The following RBFOX1 variants were observed in gnomAD, a reference collection of about 807,000 sequenced individuals.
RBFOX1 encodes the protein RNA binding protein fox-1 homolog 1.
A neutral mutation model predicts 57.7 loss-of-function variants in RBFOX1; 8 were observed. The observed-to-expected ratio is 0.14, with a 90% CI of 0.08 to 0.25. The LOEUF is 0.25. Ranked by LOEUF, RBFOX1 falls within the 10% of genes least tolerant of loss-of-function variation. The pLI is 1.00. For synonymous variants in RBFOX1, 326 were observed against 222.4 expected (o/e 1.47, Z -4.15); for missense variants, 611 against 548.5 (o/e 1.11, Z -1.14).
At chr16:6,716,020 T>C (rs576876845) in intron 3 of RBFOX1, among the ~76,000 whole-genome samples, 1 of 74,244 alleles carries the variant, frequency 1.3e-5, no homozygotes, top group East Asian at 3.3e-4. Flanking sequence ...ACAGCCTACA[T>C]AAAGAAGCCA....
intron 3 of RBFOX1, among the ~76,000 whole-genome samples, chr16:5,797,479 A>G (rs2054917304): frequency 6.6e-6 from 1 of 152,190 alleles, no homozygotes; most frequent in South Asian, 2.1e-4. Context: ...TCTGGCTTCC[A>G]GACCCTTAGA....
chr16:6,678,484 C>G (rs903658719), intron 3 of RBFOX1, among the ~76,000 whole-genome samples: 6 of 151,456 alleles, frequency 4.0e-5, no homozygotes, highest in African/African-American at 1.5e-4. Context: ...TGTATGGGTC[C>G]TAAACCTTCA....
intron 3 of RBFOX1, among the ~76,000 whole-genome samples, chr16:6,885,722 G>C (rs1296186603): frequency 2.6e-5 from 4 of 151,974 alleles, no homozygotes; most frequent in African/African-American, 4.8e-5. Flanking sequence ...AGTAGAGACT[G>C]GGTTTCACCA....
chr16:6,944,294 C>G (rs1483404309), intron 3 of RBFOX1, among the ~76,000 whole-genome samples: 1 of 151,120 alleles, frequency 6.6e-6, no homozygotes, highest in Non-Finnish European at 1.5e-5. Flanking sequence ...AGTCAGGAGG[C>G]TGAGGCAGGA....
At chr16:6,895,486 A>ATATATATATATATATATATATATATATG (rs1231560510) in intron 3 of RBFOX1, among the ~76,000 whole-genome samples, 1 of 92,044 alleles carries the variant, frequency 1.1e-5, no homozygotes, top group Admixed American at 1.1e-4. Context: ...ATATATATAT[A>ATATATATATATATATATATATATATATG]TTTATTCCCC....
chr16:7,303,628 A>C lies in RBFOX1; in HGVS notation c.28-214519A>C, dbSNP rs9921228. Among the ~76,000 whole-genome samples, 747 of 152,252 alleles carry C rather than the reference A, an allele frequency of 4.9e-3. 7 individuals are homozygous for C. In the Middle Eastern group the frequency reaches 0.082, roughly 17 times the overall value. On this transcript the variant is annotated intron_variant, in intron 4 of 15. Coordinates refer to ENST00000550418, the MANE Select transcript of RBFOX1 (RefSeq NM_018723.4). ...AGGGGAGGGAAGGAAAAAAAGGAAAAAAAATCTTTCCCCTGGACCCATTTG... is the reference window on the plus strand; with the variant it reads ...AGGGGAGGGAAGGAAAAAAAGGAAACAAAATCTTTCCCCTGGACCCATTTG...
intron 3 of RBFOX1, among the ~76,000 whole-genome samples, chr16:6,841,350 TAGAC>T (rs544569258): frequency 8.5e-4 from 130 of 152,268 alleles, no homozygotes; most frequent in Admixed American, 1.4e-3. Context: ...TGAAGAATGT[TAGAC>T]AGGAATAAAG....
At chr16:6,109,886 C>G in intron 1 of RBFOX1, among the ~76,000 whole-genome samples, 1 of 152,146 alleles carries the variant, frequency 6.6e-6, no homozygotes, top group Non-Finnish European at 1.5e-5. Context: ...GAGCAGAAAT[C>G]TTGTTGAACT....
chr16:7,108,802 C>T lies in RBFOX1; in HGVS notation c.27+56704C>T, dbSNP rs546685626. ...GCATGTATTACGAGGCTCATGAAGGCTTGTTTGTTGTACCTAAATCCCCGT... is the reference window on the plus strand; with the variant it reads ...GCATGTATTACGAGGCTCATGAAGGTTTGTTTGTTGTACCTAAATCCCCGT... On this transcript the variant is annotated intron_variant, in intron 4 of 15. Transcript: ENST00000550418. Among the ~76,000 whole-genome samples the T allele has an allele frequency of 4.1e-4, 63 of 152,288 alleles. 2 individuals carry two copies. In the South Asian group the frequency reaches 0.012, roughly 29 times the overall value.
chr16:5,316,558 T>G (rs891341306), intron 1 of RBFOX1, among the ~76,000 whole-genome samples: 1 of 152,224 alleles, frequency 6.6e-6, no homozygotes, highest in African/African-American at 2.4e-5. Flanking sequence ...TGGGGGACAT[T>G]GGGCACATTA....
In RBFOX1 at chr16:5,946,230, C is replaced by G. The variant is rs1261770602; in HGVS notation, c.351+78895C>G. On this transcript the variant is annotated intron_variant, in intron 4 of 19. Transcript: ENST00000641259. This position sits in a 1 kb window ranked among gnomAD's most constrained non-coding sequence, Gnocchi z 4.6. Reference sequence around the variant, plus strand: ...TCTGCCACATTAGATGCCTTCACGTCTCTAAGTGTCTCTAAGTCTCAGCTT... The same window carrying G: ...TCTGCCACATTAGATGCCTTCACGTGTCTAAGTGTCTCTAAGTCTCAGCTT... 6.6e-5 allele frequency among the ~76,000 whole-genome samples: 10 copies of G among 152,314 alleles called. No individual in the cohort carries two copies. Among genetic ancestry groups the G allele is most frequent in the African/African-American group, 2.4e-4 (10 of 41,556 alleles).
intron 7 of RBFOX1, among the ~76,000 whole-genome samples, chr16:7,589,274 TG>T (rs1223696373): frequency 6.6e-6 from 1 of 152,242 alleles, no homozygotes; most frequent in Non-Finnish European, 1.5e-5. Context: ...ATTTATATTT[TG>T]TTTTGTAACT....
chr16:7,452,559 C>T (rs960752797), intron 4 of RBFOX1, among the ~76,000 whole-genome samples: 1 of 152,128 alleles, frequency 6.6e-6, no homozygotes. Flanking sequence ...CGGGGTCTTA[C>T]CTGTGGAAAG....
chr16:7,061,151 C>T (rs1222005791), intron 4 of RBFOX1, among the ~76,000 whole-genome samples: 1 of 152,028 alleles, frequency 6.6e-6, no homozygotes, highest in Non-Finnish European at 1.5e-5. Flanking sequence ...GGAGTTTGCC[C>T]CAAAGTAATT....
chr16:6,988,085 C>G (rs1001028105), intron 3 of RBFOX1, among the ~76,000 whole-genome samples: 3 of 151,876 alleles, frequency 2.0e-5, no homozygotes, highest in Admixed American at 2.0e-4. Flanking sequence ...AATGGTAAAA[C>G]CAAGAATCAA....
rs1006940373 is a variant in RBFOX1 at position 5,917,093 on chromosome 16, C to G, written c.351+49758C>G. Among the ~76,000 whole-genome samples the G allele has an allele frequency of 9.9e-5, 15 of 152,260 alleles. No homozygotes were observed. In the South Asian group the frequency reaches 1.7e-3, roughly 17 times the overall value. Reference sequence around the variant, plus strand: ...AGGCGTGGCCCCACTTGAACCTGCTCTACAGTCTGGAATTTGTGGGTCTGT... The same window carrying G: ...AGGCGTGGCCCCACTTGAACCTGCTGTACAGTCTGGAATTTGTGGGTCTGT... On this transcript the variant is annotated intron_variant, in intron 4 of 19. Transcript: ENST00000641259.
intron 4 of RBFOX1, among the ~76,000 whole-genome samples, chr16:7,331,637 C>T (rs2096697699): frequency 6.6e-6 from 1 of 152,054 alleles, no homozygotes; most frequent in South Asian, 2.1e-4. Flanking sequence ...TGTTATGGTT[C>T]TAGGACTTCA....
chr16:6,460,485 A>T (rs1222483724), intron 2 of RBFOX1, among the ~76,000 whole-genome samples: 1 of 152,178 alleles, frequency 6.6e-6, no homozygotes. Flanking sequence ...GCGGCCAAAC[A>T]TATGAGAAAA....
chr16:6,863,964 C>G (rs2059465433), intron 3 of RBFOX1, among the ~76,000 whole-genome samples: 1 of 149,840 alleles, frequency 6.7e-6, no homozygotes, highest in South Asian at 2.1e-4. Context: ...GCAAAATCCT[C>G]ACAACTTCTT....
Sources: allele counts gnomAD v4.1 joint callset (sites outside exome capture counted in the v4.1 genomes callset), GRCh38; gene constraint gnomAD v4.1.1; non-coding constraint Gnocchi (gnomAD v3.1); transcripts MANE v1.5; gene names NCBI Gene and HGNC (gene_info 2026-07-23, HGNC 2026-07-21).